P4HA3: variants seen among roughly 807,000 people sequenced by gnomAD.
P4HA3 encodes the protein prolyl 4-hydroxylase subunit alpha 3.
P4HA3 carries 60 observed loss-of-function variants against 66.7 expected under a neutral mutation model. The observed-to-expected ratio is 0.90, with a 90% CI of 0.73 to 1.12. P4HA3 has a LOEUF of 1.12. Among genes scored for constraint, P4HA3 ranks in the 50% most tolerant of loss-of-function variants. The pLI is 0.00. For missense variants in P4HA3, 683 were observed against 685.8 expected, an observed-to-expected ratio of 1.00 and a Z score of 0.05; for synonymous variants, 263 against 274.6, an observed-to-expected ratio of 0.96 and a Z score of 0.42.
At chr11:74,261,021 G>A (rs1859898415) in intron 14 of P4HA3, among the ~76,000 whole-genome samples, 1 of 152,314 alleles carries the variant, frequency 6.6e-6, no homozygotes, top group African/African-American at 2.4e-5. Context: ...TGCCTCTAGA[G>A]GTGCCATGCC....
rs376807611 is a variant in P4HA3, at chr11:74,253,526, C to T, written c.*1319-5525G>A. ...TGGCTGTTAGTGACCTGCTGTCCACCCCTCCTCAACATCGAGCTCTGTTGT... is the reference window on the plus strand; with the variant it reads ...TGGCTGTTAGTGACCTGCTGTCCACTCCTCCTCAACATCGAGCTCTGTTGT... On this transcript the variant is annotated intron_variant and NMD_transcript_variant, in intron 15 of 15. Transcript: ENST00000524388. 1.3e-4 allele frequency: 203 copies of T among 1,601,750 alleles called. No homozygotes were observed. In the African/African-American group the frequency reaches 2.3e-3, roughly 18 times the overall value.
At chr11:74,274,761 A>G (rs74828840) in intron 9 of P4HA3, among the ~76,000 whole-genome samples, 6,053 of 152,340 alleles carry the variant, frequency 0.04, 127 homozygotes, top group Middle Eastern at 0.11. Flanking sequence ...TTAAGAAACC[A>G]TCAAACTTTT....
chr11:74,253,843 G>A (rs867269232), intron 15 of P4HA3: 12 of 459,350 alleles, frequency 2.6e-5, no homozygotes, highest in Non-Finnish European at 3.9e-5. Flanking sequence ...AGCATCAGGC[G>A]ATACATCTGA....
chr11:74,304,649 C>T (rs112887302), intron 1 of P4HA3, among the ~76,000 whole-genome samples: 2,019 of 152,236 alleles, frequency 0.013, 46 homozygotes, highest in African/African-American at 0.044. Context: ...TAATCAATTA[C>T]TGTATTTCAG....
Position 74,288,945 on chromosome 11 carries a change from T to C in P4HA3, c.769+134A>G, listed in dbSNP as rs1369667206. ...GCCTGGGTGACAGAGGGAGATGCCA[T>C]CTCAAAAAAAAAAAAAAAAAAGATA... On this transcript the variant is annotated intron_variant, in intron 5 of 12. Transcript: ENST00000331597. The C allele has an allele frequency of 8.4e-6, 4 of 478,662 alleles. No individual in the cohort carries two copies. The East Asian group carries it at 1.3e-4, about 15-fold the overall frequency. The allele number at this position is 478,662 out of a possible 1,614,324, so 29.7% of individuals were successfully genotyped here.
downstream of P4HA3, among the ~76,000 whole-genome samples, chr11:74,263,914 G>A (rs952950585): frequency 6.6e-6 from 1 of 152,054 alleles, no homozygotes. Context: ...CTTGAGCTTA[G>A]GAGTTCGAGA....
chr11:74,265,494 C>T (rs1461944415), downstream of P4HA3, among the ~76,000 whole-genome samples: 1 of 152,178 alleles, frequency 6.6e-6, no homozygotes, highest in Non-Finnish European at 1.5e-5. Flanking sequence ...TATGTGGCTT[C>T]CTTATGAGCA....
chr11:74,250,907 A>C, intron 15 of P4HA3: 1 of 1,491,204 alleles, frequency 6.7e-7, no homozygotes, highest in Non-Finnish European at 9.2e-7. Context: ...TGCATAAGAG[A>C]GGGCTCTTTT....
chr11:74,288,005 G>T (rs1488395341), intron 5 of P4HA3, among the ~76,000 whole-genome samples: 1 of 152,052 alleles, frequency 6.6e-6, no homozygotes, highest in Non-Finnish European at 1.5e-5. Context: ...GACAGAATGA[G>T]ACTCTGTCTC....
intron 5 of P4HA3, among the ~76,000 whole-genome samples, chr11:74,288,245 G>A: frequency 6.6e-6 from 1 of 152,192 alleles, no homozygotes. Flanking sequence ...ACTCCCTGAA[G>A]GGGGGTGATG....
chr11:74,305,080 A>G (rs1211418082), intron 1 of P4HA3, among the ~76,000 whole-genome samples: 1 of 151,664 alleles, frequency 6.6e-6, no homozygotes, highest in African/African-American at 2.4e-5. Flanking sequence ...CTTGCCCACC[A>G]CTCACCTCCT....
At chr11:74,274,322 T>C (rs1860318330) in intron 9 of P4HA3, among the ~76,000 whole-genome samples, 1 of 151,600 alleles carries the variant, frequency 6.6e-6, no homozygotes, top group Non-Finnish European at 1.5e-5. Context: ...TTTTTTGTTT[T>C]TGAGATGGAG....
At chr11:74,292,112 T>A (rs1861050442) in intron 4 of P4HA3, among the ~76,000 whole-genome samples, 1 of 152,130 alleles carries the variant, frequency 6.6e-6, no homozygotes, top group Admixed American at 6.6e-5. Context: ...GATTATTGCC[T>A]CAATTTCAGA....
intron 15 of P4HA3, chr11:74,251,694 A>G (rs1347442378): frequency 1.9e-6 from 3 of 1,613,988 alleles, no homozygotes; most frequent in Admixed American, 3.3e-5. Context: ...AGGTTTGCAG[A>G]ACCCATCGGT....
At chr11:74,255,524 G>A (rs1859812260) in intron 15 of P4HA3, among the ~76,000 whole-genome samples, 1 of 152,170 alleles carries the variant, frequency 6.6e-6, no homozygotes, top group Non-Finnish European at 1.5e-5. Context: ...TCTCTCTGCT[G>A]TAGTTCACTC....
In P4HA3 at chr11:74,267,030, A is replaced by C; in HGVS notation, c.*218T>G. ...CACTCCCCCCTCCTTTGTACTGTGC[A>C]TCCTACTCTGACTTCCGTGGCTGGG... On this transcript the variant is annotated 3_prime_UTR_variant, in exon 13 of 13. Coordinates refer to ENST00000331597, the MANE Select transcript of P4HA3 (RefSeq NM_182904.5). The C allele has an allele frequency of 6.5e-7, 1 of 1,532,866 alleles. No homozygotes were observed. The allele number at this position is 1,532,866 out of a possible 1,614,324, so 95.0% of individuals were successfully genotyped here.
At chr11:74,267,371 G>A in intron 12 of P4HA3, 53 bp from the exon 13 acceptor site, 1 of 1,602,258 alleles carries the variant, frequency 6.2e-7, no homozygotes. Flanking sequence ...ACAGACAGCA[G>A]CAATGCTGCA....
intron 3 of P4HA3, among the ~76,000 whole-genome samples, chr11:74,300,455 A>G (rs760250067): frequency 2.0e-5 from 3 of 152,020 alleles, no homozygotes; most frequent in East Asian, 1.9e-4. Flanking sequence ...ACACAGTGAG[A>G]CCCTTATTAA....
intron 11 of P4HA3, 52 bp downstream of exon 11, chr11:74,269,600 G>C: frequency 2.6e-6 from 4 of 1,564,570 alleles, no homozygotes; most frequent in Non-Finnish European, 3.5e-6. Flanking sequence ...AGGTTAGAGG[G>C]TAAGCGCTGC....
Sources: allele counts gnomAD v4.1 joint callset (sites outside exome capture counted in the v4.1 genomes callset), GRCh38; gene constraint gnomAD v4.1.1; transcripts MANE v1.5; gene names NCBI Gene and HGNC (gene_info 2026-07-23, HGNC 2026-07-21).